The following FAM110B variants were observed in gnomAD, a reference collection of about 807,000 sequenced individuals.
FAM110B encodes family with sequence similarity 110 member B, also known as protein FAM110B.
A neutral mutation model predicts 20.4 loss-of-function variants in FAM110B; 6 were observed. That is an observed-to-expected ratio of 0.29 (90% CI 0.16 to 0.58). FAM110B has a LOEUF of 0.58. FAM110B is among the 20% of genes least tolerant of loss of function. The pLI is 0.90. For synonymous variants in FAM110B, 226 were observed against 214.1 expected (o/e 1.06, Z -0.49); for missense variants, 434 against 498.2 (o/e 0.87, Z 1.23).
At chr8:58,102,504 G>A (rs1806801019) in intron 3 of FAM110B, among the ~76,000 whole-genome samples, 1 of 152,178 alleles carries the variant, frequency 6.6e-6, no homozygotes, top group Non-Finnish European at 1.5e-5. Flanking sequence ...TAGTGAACTA[G>A]CGTAGATCAG....
intron 3 of FAM110B, chr8:58,113,358 T>C (rs373557485): frequency 5.0e-5 from 11 of 219,488 alleles, no homozygotes; most frequent in East Asian, 3.3e-4. Context: ...CATTAGCCTT[T>C]TCCCACTGCA....
intron 1 of FAM110B, among the ~76,000 whole-genome samples, chr8:58,007,478 T>A (rs1026044383): frequency 3.2e-4 from 49 of 152,328 alleles, no homozygotes; most frequent in African/African-American, 1.2e-3. Flanking sequence ...CACCCCTCCA[T>A]CCCTCTGCTA....
At chr8:57,997,647 C>T (rs1804212673) in intron 1 of FAM110B, among the ~76,000 whole-genome samples, 1 of 152,194 alleles carries the variant, frequency 6.6e-6, no homozygotes, top group African/African-American at 2.4e-5. Context: ...TGGTATGATG[C>T]AGTGAGAATT....
chr8:58,026,376 C>A (rs1320260619), intron 1 of FAM110B, among the ~76,000 whole-genome samples: 1 of 151,616 alleles, frequency 6.6e-6, no homozygotes, highest in Non-Finnish European at 1.5e-5. Context: ...AGTATAGTGA[C>A]TAACACATGC....
intron 1 of FAM110B, among the ~76,000 whole-genome samples, chr8:58,001,896 C>G (rs1804304024): frequency 6.6e-6 from 1 of 152,144 alleles, no homozygotes; most frequent in Non-Finnish European, 1.5e-5. Context: ...AATTGTCTTA[C>G]ATGATTATGG....
At chr8:58,048,016 T>C (rs958649906) in intron 2 of FAM110B, among the ~76,000 whole-genome samples, 1 of 152,230 alleles carries the variant, frequency 6.6e-6, no homozygotes, top group Non-Finnish European at 1.5e-5. Flanking sequence ...AGGTTATGTA[T>C]GTACTGAGGA....
chr8:58,111,111 A>G (rs1014229380), intron 3 of FAM110B, among the ~76,000 whole-genome samples: 4 of 152,246 alleles, frequency 2.6e-5, no homozygotes, highest in Admixed American at 1.3e-4. Context: ...ATTAATCCTT[A>G]TAAAAATAAT....
At chr8:58,017,654 A>T (rs907182027) in intron 1 of FAM110B, among the ~76,000 whole-genome samples, 1 of 152,238 alleles carries the variant, frequency 6.6e-6, no homozygotes, top group Non-Finnish European at 1.5e-5. Context: ...TACAGCCTCA[A>T]TCTCTTAGAA....
At chr8:58,013,115 TCTC>T (rs1337306262) in intron 1 of FAM110B, among the ~76,000 whole-genome samples, 3 of 152,134 alleles carry the variant, frequency 2.0e-5, no homozygotes, top group African/African-American at 4.8e-5. Flanking sequence ...AGGATCTCCT[TCTC>T]CTGAAATGCT....
chr8:58,030,388 C>G (rs1490492592), intron 1 of FAM110B, among the ~76,000 whole-genome samples: 3 of 152,098 alleles, frequency 2.0e-5, no homozygotes, highest in Non-Finnish European at 4.4e-5. Context: ...TGGAAAGTAT[C>G]AATCTTAGTT....
Position 58,063,182 on chromosome 8 carries a change from C to A in FAM110B, c.-413-12353C>A, listed in dbSNP as rs1020960444. Among the ~76,000 whole-genome samples, 7 of 152,270 alleles carry A rather than the reference C, an allele frequency of 4.6e-5. No individual in the cohort carries two copies. In the South Asian group the frequency reaches 1.0e-3, roughly 23 times the overall value. On this transcript the variant is annotated intron_variant, in intron 2 of 3. Transcript: ENST00000519262. The stretch of plus-strand genomic sequence containing the variant: ...GCATAAGAATCTCTTAAGACCGAGA[C>A]TTTAGAGGGGCCGCTCATGAAACAT...
chr8:58,043,800 GTTCTGTTAT>G (rs1305202967), intron 2 of FAM110B, among the ~76,000 whole-genome samples: 1 of 152,124 alleles, frequency 6.6e-6, no homozygotes, highest in Non-Finnish European at 1.5e-5. Context: ...TCTGAGGTAG[GTTCTGTTAT>G]TATGCCATTT....
chr8:58,105,959 T>C (rs1806901711), intron 3 of FAM110B, among the ~76,000 whole-genome samples: 1 of 152,212 alleles, frequency 6.6e-6, no homozygotes, highest in South Asian at 2.1e-4. Flanking sequence ...CTTTGAATGT[T>C]TATGCAAAGC....
intron 3 of FAM110B, among the ~76,000 whole-genome samples, chr8:58,082,649 C>T (rs996177308): frequency 4.6e-5 from 7 of 151,990 alleles, no homozygotes; most frequent in East Asian, 3.9e-4. Context: ...TCTGTAGAAT[C>T]GAGCACAGAA....
intron 1 of FAM110B, among the ~76,000 whole-genome samples, chr8:58,005,181 T>C (rs1312192708): frequency 6.6e-6 from 1 of 152,306 alleles, no homozygotes; most frequent in Non-Finnish European, 1.5e-5. Flanking sequence ...GGGTTATTAA[T>C]TGGCCTCATG....
chr8:58,010,324 G>A (rs560243412), intron 1 of FAM110B, among the ~76,000 whole-genome samples: 37 of 151,946 alleles, frequency 2.4e-4, no homozygotes, highest in African/African-American at 6.3e-4. Flanking sequence ...GCCCGGTCTC[G>A]TTTCTCAGTT....
chr8:58,136,367 G>T (rs1803615814), intron 3 of FAM110B, among the ~76,000 whole-genome samples: 1 of 152,008 alleles, frequency 6.6e-6, no homozygotes, highest in African/African-American at 2.4e-5. Context: ...AAATGACAGT[G>T]GTCCCTTGAA....
At chr8:57,994,887 G>A (rs199816399) in intron 1 of FAM110B, 81 bp downstream of exon 1, 274 of 152,362 alleles carry the variant, frequency 1.8e-3, no homozygotes, top group Non-Finnish European at 2.8e-3. Flanking sequence ...GCCGCGCCCC[G>A]ACTGCGGACA....
At position 58,146,096 on chromosome 8, in the gene FAM110B, G is replaced by A; in HGVS notation, c.-135G>A. On this transcript the variant is annotated 5_prime_UTR_variant, in exon 4 of 4. Coordinates refer to ENST00000519262, the MANE Select transcript of FAM110B (RefSeq NM_001377989.1). Reference sequence around the variant, plus strand: ...ATGAGCTGTGAGATGAGGCGCTGCTGCGGCCGCTGCTGCTGACACTCGCTC... The same window carrying A: ...ATGAGCTGTGAGATGAGGCGCTGCTACGGCCGCTGCTGCTGACACTCGCTC... The A allele has an allele frequency of 9.8e-7, 1 of 1,017,290 alleles. No individual in the cohort carries two copies. Among genetic ancestry groups the A allele is most frequent in the Non-Finnish European group, 1.4e-6 (1 of 709,978 alleles). The allele number at this position is 1,017,290 out of a possible 1,614,324, so 63.0% of individuals were successfully genotyped here. A position where few individuals can be genotyped will look rare whatever the true frequency, so the allele number is the denominator to read the frequency against.
Sources: gnomAD v4.1 joint callset for allele counts (sites outside exome capture counted in the v4.1 genomes callset) on GRCh38, gnomAD v4.1.1 for gene constraint, MANE v1.5 for transcripts, NCBI Gene and HGNC (gene_info 2026-07-23, HGNC 2026-07-21) for gene names.